The following AKR1E2 variants were observed in gnomAD, a reference collection of about 807,000 sequenced individuals.
AKR1E2 encodes the protein 1,5-anhydro-D-fructose reductase.
In AKR1E2, 43 loss-of-function variants were observed where a neutral mutation model predicts 41.9. The ratio of observed to expected loss-of-function variants is 1.03; its 90% confidence interval spans 0.80 to 1.32. The LOEUF is 1.32. Among genes scored for constraint, AKR1E2 ranks in the 40% most tolerant of loss-of-function variants. AKR1E2 has a pLI of 0.00. For synonymous variants in AKR1E2, 121 were observed against 138.9 expected (o/e 0.87, Z 0.91); for missense variants, 423 against 396.5 (o/e 1.07, Z -0.57).
intron 8 of AKR1E2, chr10:4,845,768 CCT>C: frequency 2.1e-6 from 1 of 471,196 alleles, no homozygotes; most frequent in Non-Finnish European, 4.4e-6. Context: ...TGCCCCCATT[CCT>C]CTGTTAGGTC....
chr10:4,846,476 A>G (rs1373971847), intron 8 of AKR1E2, among the ~76,000 whole-genome samples: 1 of 152,018 alleles, frequency 6.6e-6, no homozygotes, highest in African/African-American at 2.4e-5. Context: ...CCTAGTTGGC[A>G]GGTGTATGGA....
intron 4 of AKR1E2, among the ~76,000 whole-genome samples, chr10:4,836,894 C>T (rs893643784): frequency 6.6e-6 from 1 of 152,176 alleles, no homozygotes; most frequent in Admixed American, 6.5e-5. Context: ...TATGCTCTTC[C>T]TGAAGCTCAG....
chr10:4,849,256 G>A (rs1369665274), downstream of AKR1E2, among the ~76,000 whole-genome samples: 2 of 152,182 alleles, frequency 1.3e-5, no homozygotes, highest in African/African-American at 4.8e-5. Flanking sequence ...CTACGATCAG[G>A]CCCTGTCCAC....
intron 5 of AKR1E2, among the ~76,000 whole-genome samples, chr10:4,839,212 A>G (rs1833680473): frequency 1.3e-5 from 2 of 152,196 alleles, no homozygotes; most frequent in South Asian, 4.1e-4. Flanking sequence ...AATTTCATTC[A>G]TTCATTCAGT....
the AKR1E2 span, among the ~76,000 whole-genome samples, chr10:4,862,044 T>C: frequency 6.6e-6 from 1 of 152,240 alleles, no homozygotes; most frequent in Non-Finnish European, 1.5e-5. Flanking sequence ...GGTTTTCTTC[T>C]AGGGTTTTTA....
chr10:4,840,704 T>C (rs1833809267), intron 6 of AKR1E2, among the ~76,000 whole-genome samples: 1 of 152,198 alleles, frequency 6.6e-6, no homozygotes, highest in Non-Finnish European at 1.5e-5. Context: ...CCTTTGCAAA[T>C]ACTGTTCTCT....
intron 8 of AKR1E2, among the ~76,000 whole-genome samples, chr10:4,844,861 A>G (rs1165819687): frequency 6.6e-6 from 1 of 152,228 alleles, no homozygotes; most frequent in Non-Finnish European, 1.5e-5. Flanking sequence ...CACCCAGTGG[A>G]TCCCGCACGG....
chr10:4,859,795 C>T, the AKR1E2 span, among the ~76,000 whole-genome samples: 2 of 152,220 alleles, frequency 1.3e-5, no homozygotes, highest in Admixed American at 6.5e-5. Context: ...TGATCTCTCT[C>T]TGGAGAGGAG....
At chr10:4,862,364 T>C in the AKR1E2 span, among the ~76,000 whole-genome samples, 2 of 152,218 alleles carry the variant, frequency 1.3e-5, no homozygotes, top group East Asian at 1.9e-4. Flanking sequence ...TCAGGTAGTG[T>C]GATGCCTCCA....
chr10:4,870,150 A>C, the AKR1E2 span, among the ~76,000 whole-genome samples: 1 of 152,066 alleles, frequency 6.6e-6, no homozygotes, highest in Non-Finnish European at 1.5e-5. Context: ...CAATTATCAC[A>C]GTGTATTGGT....
chr10:4,829,264 T>C (rs12571192), intron 1 of AKR1E2, among the ~76,000 whole-genome samples: 5,300 of 152,330 alleles, frequency 0.035, 147 homozygotes, highest in East Asian at 0.11. Flanking sequence ...TTTTGTACTT[T>C]AATCTGTTAA....
Position 4,830,301 on chromosome 10 carries a change from C to G in AKR1E2, c.40-374C>G, listed in dbSNP as rs570919673. Among the ~76,000 whole-genome samples the G allele has an allele frequency of 2.0e-5, 3 of 152,252 alleles. No individual in the cohort carries two copies. The South Asian group carries it at 6.2e-4, about 32-fold the overall frequency. ...ACCTTCGTGTGAGTCTACACCTCAG[C>G]CTTTATTATTGGACGCTGTGGTATC... On this transcript the variant is annotated intron_variant, in intron 1 of 9. Coordinates refer to ENST00000298375, the MANE Select transcript of AKR1E2 (RefSeq NM_001040177.3).
At chr10:4,867,461 C>A in the AKR1E2 span, among the ~76,000 whole-genome samples, 1 of 152,220 alleles carries the variant, frequency 6.6e-6, no homozygotes. Context: ...CTGCTGCCTC[C>A]TTAACCCCTG....
At chr10:4,872,272 T>C in the AKR1E2 span, among the ~76,000 whole-genome samples, 1 of 152,268 alleles carries the variant, frequency 6.6e-6, no homozygotes, top group East Asian at 1.9e-4. Flanking sequence ...TTTAAAACAA[T>C]GCTTAGTCTG....
Position 4,847,769 on chromosome 10 carries a change from T to C in AKR1E2, c.*239T>C. 1.9e-6 allele frequency: 1 copy of C among 515,446 alleles called. No individual in the cohort carries two copies. Among genetic ancestry groups the C allele is most frequent in the Non-Finnish European group, 3.4e-6 (1 of 293,084 alleles). The allele number at this position is 515,446 out of a possible 1,614,324, so 31.9% of individuals were successfully genotyped here. On this transcript the variant is annotated 3_prime_UTR_variant, in exon 10 of 10. Transcript: ENST00000298375. ...TGGCCTCTACTCTGAACAAATACAC[T>C]GATGAGTCATCAGTGAAATTTGCCT...
chr10:4,848,714 G>C (rs1236070295), downstream of AKR1E2, among the ~76,000 whole-genome samples: 1 of 152,136 alleles, frequency 6.6e-6, no homozygotes, highest in East Asian at 1.9e-4. Flanking sequence ...ACTGTTTGGG[G>C]ACAGTTCCCC....
At chr10:4,841,913 T>C (rs1833920835) in intron 7 of AKR1E2, 56 bp downstream of exon 7, 3 of 1,534,544 alleles carry the variant, frequency 2.0e-6, no homozygotes, top group African/African-American at 2.7e-5. Flanking sequence ...CTCTACATCC[T>C]TGGGGAGTCC....
chr10:4,833,526 C>G lies in AKR1E2; in HGVS notation c.324+60C>G, dbSNP rs1044084626. Reference sequence around the variant, plus strand: ...CAGGACCTTCCTCCCCGTGCTCACACCCTGTCTTGCGGTGGGGAGAGCATG... The same window carrying G: ...CAGGACCTTCCTCCCCGTGCTCACAGCCTGTCTTGCGGTGGGGAGAGCATG... On this transcript the variant is annotated intron_variant, in intron 3 of 9. Coordinates refer to ENST00000298375, the MANE Select transcript of AKR1E2 (RefSeq NM_001040177.3). The G allele has an allele frequency of 6.3e-6, 9 of 1,426,830 alleles. No homozygotes were observed. In the African/African-American group the frequency reaches 1.1e-4, roughly 18 times the overall value. 88.4% of individuals were successfully genotyped at this position (1,426,830 alleles called of 1,614,324 possible).
rs1474674771 is a variant in AKR1E2 at position 4,837,471 on chromosome 10, C to T, written c.472C>T (p.Leu158=). Residue 158 remains leucine, a synonymous_variant, in exon 5 of 10, where the codon CTG becomes TTG. Transcript: ENST00000298375. ...CGTTCTCTTATAGGCCATGGAGGAC[C>T]TGGTGATCACCGGGCTGGTGAAGAA... The part of the protein sequence containing the change: ...FLDTWEAMED[L]VITGLVKNIG... 2 of 1,614,192 alleles carry T rather than the reference C, an allele frequency of 1.2e-6. No individual in the cohort carries two copies. Among genetic ancestry groups the T allele is most frequent in the East Asian group, 4.5e-5 (2 of 44,888 alleles).
Sources: gnomAD v4.1 joint callset for allele counts (sites outside exome capture counted in the v4.1 genomes callset) on GRCh38, gnomAD v4.1.1 for gene constraint, MANE v1.5 for transcripts, NCBI Gene and HGNC (gene_info 2026-07-23, HGNC 2026-07-21) for gene names.